The following DPY19L4 variants were observed in gnomAD, a reference collection of about 807,000 sequenced individuals.
The protein encoded by DPY19L4 is probable C-mannosyltransferase DPY19L4.
In DPY19L4, 97 loss-of-function variants were observed where a neutral mutation model predicts 102.8. That is an observed-to-expected ratio of 0.94 (90% CI 0.80 to 1.12). The LOEUF (loss-of-function observed/expected upper bound fraction) is 1.12, where lower values mean the gene tolerates loss of function less well. DPY19L4 is among the 50% of genes most tolerant of loss of function. The probability of loss-of-function intolerance (pLI) is 0.00; values close to 1 mark genes in which losing one functional copy is unlikely to be tolerated. For synonymous variants in DPY19L4, 252 were observed against 283.1 expected, an observed-to-expected ratio of 0.89 and a Z score of 1.10; for missense variants, 815 against 850.4, an observed-to-expected ratio of 0.96 and a Z score of 0.52.
At chr8:94,786,438 T>C (rs1813656014) in intron 17 of DPY19L4, among the ~76,000 whole-genome samples, 1 of 151,732 alleles carries the variant, frequency 6.6e-6, no homozygotes, top group African/African-American at 2.4e-5. Flanking sequence ...TATTTATTTA[T>C]TTATTTATTT....
intron 6 of DPY19L4, among the ~76,000 whole-genome samples, chr8:94,740,178 T>G (rs1811381869): frequency 1.3e-5 from 2 of 152,190 alleles, no homozygotes; most frequent in Admixed American, 1.3e-4. Flanking sequence ...GATTTTAGCT[T>G]AGGGATACTG....
At chr8:94,776,945 G>A (rs1334450897) in intron 13 of DPY19L4, among the ~76,000 whole-genome samples, 7 of 138,252 alleles carry the variant, frequency 5.1e-5, no homozygotes, top group East Asian at 2.1e-4. Context: ...TAGCCTGGGC[G>A]ACAGTGAGAC....
At chr8:94,757,287 C>G (rs577486235) in intron 7 of DPY19L4, among the ~76,000 whole-genome samples, 33 of 152,210 alleles carry the variant, frequency 2.2e-4, no homozygotes, top group Admixed American at 5.2e-4. Flanking sequence ...GCATAGCAAA[C>G]TTTATTATTT....
At chr8:94,775,016 T>C (rs1259511214) in intron 13 of DPY19L4, among the ~76,000 whole-genome samples, 1 of 152,142 alleles carries the variant, frequency 6.6e-6, no homozygotes, top group Non-Finnish European at 1.5e-5. Context: ...GATGACAGGA[T>C]TTTCTTCTTT....
chr8:94,779,179 C>T, intron 14 of DPY19L4, among the ~76,000 whole-genome samples: 1 of 149,614 alleles, frequency 6.7e-6, no homozygotes. Flanking sequence ...TGAAGCATTT[C>T]ACATGCTATT....
chr8:94,758,986 T>C (rs1459005003), intron 7 of DPY19L4, among the ~76,000 whole-genome samples: 1 of 152,114 alleles, frequency 6.6e-6, no homozygotes, highest in African/African-American at 2.4e-5. Flanking sequence ...TCGCCTGCCT[T>C]GGCCTCCCAA....
chr8:94,774,355 G>GT (rs1813073097), intron 13 of DPY19L4, among the ~76,000 whole-genome samples: 2 of 152,046 alleles, frequency 1.3e-5, no homozygotes, highest in South Asian at 4.1e-4. Context: ...CTACATTTAA[G>GT]TTTTTTTAAA....
At position 94,734,646 on chromosome 8, in the gene DPY19L4, C is replaced by T; in HGVS notation, c.144C>T (p.Arg48=). The T allele has an allele frequency of 6.2e-7, 1 of 1,613,674 alleles. No individual in the cohort carries two copies. Among genetic ancestry groups the T allele is most frequent in the African/African-American group, 1.3e-5 (1 of 75,026 alleles). Residue 48 remains arginine (R), a synonymous_variant, in exon 3 of 19, where the codon CGC becomes CGT. Coordinates refer to ENST00000414645, the MANE Select transcript of DPY19L4 (RefSeq NM_181787.3). ...ERAPKHVLFQ[R]FAKIFIGCLA... is the part of the protein sequence containing the mutation. ...CTTTTTCAGATGTATTATTTCAACGCTTTGCAAAGATTTTCATTGGCTGTC... is the reference window on the plus strand; with the variant it reads ...CTTTTTCAGATGTATTATTTCAACGTTTTGCAAAGATTTTCATTGGCTGTC...
chr8:94,783,769 C>T lies in DPY19L4; in HGVS notation c.1815C>T (p.Tyr605=), dbSNP rs771610363. 6.2e-7 allele frequency: 1 copy of T among 1,614,026 alleles called. No homozygotes were observed. Among genetic ancestry groups the T allele is most frequent in the Non-Finnish European group, 8.5e-7 (1 of 1,179,970 alleles). ...TGWMVTSLPL[Y]NDDDLLKRNE... is the part of the protein sequence containing the mutation. The stretch of plus-strand genomic sequence containing the variant: ...GGATGGTGACAAGTTTGCCTCTTTA[C>T]AATGATGATGATCTTCTCAAGAGAA... The change falls in exon 17 of 19, where the codon TAC becomes TAT. Residue 605 remains tyrosine (Y), a synonymous_variant. Coordinates refer to ENST00000414645, the MANE Select transcript of DPY19L4 (RefSeq NM_181787.3).
Position 94,726,232 on chromosome 8 carries a change from G to A in DPY19L4, c.17-99G>A, listed in dbSNP as rs11985339. ...TTATCTTTGATACTAATAGGTCTTA[G>A]TGGTACTTTTGCTTTAGAATAATAA... is the stretch of plus-strand genomic sequence containing the variant. On this transcript the variant is annotated intron_variant, in intron 1 of 18. Coordinates refer to ENST00000414645, the MANE Select transcript of DPY19L4 (RefSeq NM_181787.3). 3.0e-5 allele frequency: 26 copies of A among 865,742 alleles called. 1 individual carries two copies. In the East Asian group the frequency reaches 6.2e-4, roughly 21 times the overall value. 53.6% of individuals were successfully genotyped at this position (865,742 alleles called of 1,614,324 possible). A position where few individuals can be genotyped will look rare whatever the true frequency, so the allele number is the denominator to read the frequency against.
intron 7 of DPY19L4, among the ~76,000 whole-genome samples, chr8:94,756,587 G>A (rs1227643180): frequency 2.0e-5 from 3 of 152,212 alleles, no homozygotes; most frequent in Non-Finnish European, 4.4e-5. Flanking sequence ...TTCTTCTCAT[G>A]TTTTCTGTGA....
At chr8:94,775,387 G>T (rs1320232343) in intron 13 of DPY19L4, among the ~76,000 whole-genome samples, 1 of 152,076 alleles carries the variant, frequency 6.6e-6, no homozygotes, top group Non-Finnish European at 1.5e-5. Flanking sequence ...GGCCAGGCTG[G>T]TCTTAAACTC....
rs572502615 is a variant in DPY19L4 at position 94,758,715 on chromosome 8, C to T, written c.735+2556C>T. On this transcript the variant is annotated intron_variant, in intron 7 of 18. Coordinates refer to ENST00000414645, the MANE Select transcript of DPY19L4 (RefSeq NM_181787.3). ...ATGTGAATACTTTGCTCCTTGTCAT[C>T]GCTGAGTAGTATTTTAGCAATTTTT... Among the ~76,000 whole-genome samples the T allele has an allele frequency of 7.2e-5, 11 of 151,940 alleles. No homozygotes were observed. The East Asian group carries it at 1.4e-3, about 19-fold the overall frequency.
At chr8:94,739,835 GTA>G in intron 6 of DPY19L4, 45 bp downstream of exon 6, 1 of 1,599,916 alleles carries the variant, frequency 6.3e-7, no homozygotes, top group Non-Finnish European at 8.5e-7. Context: ...TTTTGTGGCT[GTA>G]GTAGTCAGAG....
chr8:94,783,723 C>A lies in DPY19L4; in HGVS notation c.1769C>A (p.Ala590Glu), dbSNP rs145622169. 3 of 1,613,926 alleles carry A rather than the reference C, an allele frequency of 1.9e-6. No homozygotes were observed. Among genetic ancestry groups the A allele is most frequent in the Non-Finnish European group, 2.5e-6 (3 of 1,179,996 alleles). ...VFAGSPQLMG[A>E]IKLCTGWMVT... is the part of the protein sequence containing the mutation. ...GCAGGGAGTCCACAGTTAATGGGTG[C>A]GATTAAATTATGCACTGGATGGATG... The change falls in exon 17 of 19, where the codon GCG (alanine) becomes GAG (glutamate). Residue 590 changes from alanine to glutamate, a missense_variant. Transcript: ENST00000414645.
intron 10 of DPY19L4, 92 bp from the exon 11 acceptor site, chr8:94,766,520 T>G: frequency 8.5e-7 from 1 of 1,175,564 alleles, no homozygotes; most frequent in Non-Finnish European, 1.2e-6. Flanking sequence ...TTTTGTAGTC[T>G]TGTTGTGTTT....
intron 16 of DPY19L4, among the ~76,000 whole-genome samples, chr8:94,782,394 C>T (rs1813470108): frequency 6.6e-6 from 1 of 152,070 alleles, no homozygotes; most frequent in African/African-American, 2.4e-5. Flanking sequence ...TGTTTTAAGT[C>T]ACTGCTTACA....
At chr8:94,734,592 C>T (rs750760225) in intron 2 of DPY19L4, 38 bp from the exon 3 acceptor site, 5 of 1,574,412 alleles carry the variant, frequency 3.2e-6, no homozygotes, top group Non-Finnish European at 4.3e-6. Context: ...ATCAAGGGTA[C>T]ATATTACCTT....
At chr8:94,787,837 C>T in intron 17 of DPY19L4, 57 bp from the exon 18 acceptor site, 1 of 1,024,988 alleles carries the variant, frequency 9.8e-7, no homozygotes, top group Non-Finnish European at 1.2e-6. Flanking sequence ...TTTAAATGTC[C>T]TTTAAATTTT....
Sources: gnomAD v4.1 joint callset for allele counts (sites outside exome capture counted in the v4.1 genomes callset) on GRCh38, gnomAD v4.1.1 for gene constraint, MANE v1.5 for transcripts, NCBI Gene and HGNC (gene_info 2026-07-23, HGNC 2026-07-21) for gene names.